The following GHR variants were observed in gnomAD, a reference collection of about 807,000 sequenced individuals.
GHR encodes the protein GH receptor.
A neutral mutation model predicts 67.1 loss-of-function variants in GHR; 35 were observed. The observed-to-expected ratio is 0.52, with a 90% CI of 0.40 to 0.69. GHR has a LOEUF of 0.69. Among genes scored for constraint, GHR ranks in the 30% least tolerant of loss-of-function variants. The pLI, the probability that GHR is intolerant of heterozygous loss-of-function variation, is 0.00. For missense variants in GHR, 792 were observed against 764.6 expected, an observed-to-expected ratio of 1.04 and a Z score of -0.42; for synonymous variants, 272 against 269.1, an observed-to-expected ratio of 1.01 and a Z score of -0.10.
intron 3 of GHR, among the ~76,000 whole-genome samples, chr5:42,681,293 C>T (rs1756855426): frequency 6.7e-6 from 1 of 149,376 alleles, no homozygotes; most frequent in Admixed American, 6.7e-5. Flanking sequence ...AAAAAGTGGG[C>T]AAAGGATATA....
intron 2 of GHR, among the ~76,000 whole-genome samples, chr5:42,605,090 C>CTTTTTTTTT (rs57499086): frequency 1.1e-5 from 1 of 90,068 alleles, no homozygotes; most frequent in African/African-American, 4.9e-5. Context: ...TGTGGTGCCT[C>CTTTTTTTTT]TTTTTTTTTT....
intron 2 of GHR, among the ~76,000 whole-genome samples, chr5:42,593,422 C>T (rs1190578137): frequency 6.6e-6 from 1 of 152,166 alleles, no homozygotes; most frequent in African/African-American, 2.4e-5. Context: ...TATTTTTGTA[C>T]AAATAAACAC....
chr5:42,623,974 T>C (rs1236317270), intron 2 of GHR, among the ~76,000 whole-genome samples: 1 of 152,206 alleles, frequency 6.6e-6, no homozygotes, highest in Non-Finnish European at 1.5e-5. Context: ...TTAAAATTGA[T>C]GACTGAGAAT....
intron 3 of GHR, among the ~76,000 whole-genome samples, chr5:42,672,214 C>T (rs1389204367): frequency 6.6e-6 from 1 of 152,112 alleles, no homozygotes; most frequent in Non-Finnish European, 1.5e-5. Flanking sequence ...CCTCTCTTTA[C>T]TGACTATATA....
chr5:42,660,394 G>T (rs1184051043), intron 3 of GHR, among the ~76,000 whole-genome samples: 3 of 152,130 alleles, frequency 2.0e-5, no homozygotes, highest in African/African-American at 4.8e-5. Context: ...ACACGGCCAG[G>T]TACTCCTCTG....
At chr5:42,639,717 T>C (rs923085823) in intron 3 of GHR, among the ~76,000 whole-genome samples, 2 of 152,190 alleles carry the variant, frequency 1.3e-5, no homozygotes, top group Non-Finnish European at 2.9e-5. Flanking sequence ...CCAAAAACTT[T>C]TGAAGTTATG....
intron 1 of GHR, among the ~76,000 whole-genome samples, chr5:42,536,953 G>A (rs141492345): frequency 3.3e-5 from 5 of 152,098 alleles, no homozygotes; most frequent in Non-Finnish European, 5.9e-5. Context: ...GTGCACAAAG[G>A]TGTTCATAGT....
chr5:42,590,209 A>G (rs1751702952), intron 2 of GHR, among the ~76,000 whole-genome samples: 1 of 152,208 alleles, frequency 6.6e-6, no homozygotes, highest in Non-Finnish European at 1.5e-5. Context: ...TGTTCTGAAC[A>G]CACACTAAGC....
chr5:42,474,442 T>C (rs146893108), intron 1 of GHR, among the ~76,000 whole-genome samples: 35 of 152,296 alleles, frequency 2.3e-4, no homozygotes, highest in Admixed American at 4.6e-4. Context: ...CAGTGTGCTC[T>C]ACCTGCTGTC....
At chr5:42,537,427 C>A (rs2112364391) in intron 1 of GHR, among the ~76,000 whole-genome samples, 1 of 152,246 alleles carries the variant, frequency 6.6e-6, no homozygotes, top group East Asian at 1.9e-4. Flanking sequence ...AATACTCATT[C>A]AGGAGTAACT....
At chr5:42,631,550 T>C (rs1372322764) in intron 3 of GHR, among the ~76,000 whole-genome samples, 1 of 152,146 alleles carries the variant, frequency 6.6e-6, no homozygotes, top group East Asian at 1.9e-4. Flanking sequence ...TATTTAACAG[T>C]CTGCTGTGTA....
intron 1 of GHR, among the ~76,000 whole-genome samples, chr5:42,450,679 G>T (rs1744010473): frequency 1.3e-5 from 2 of 151,628 alleles, no homozygotes; most frequent in Admixed American, 1.3e-4. Flanking sequence ...CTTTGTTTGG[G>T]TTTGTTTTTT....
At chr5:42,700,755 C>T (rs1485208507) in intron 6 of GHR, among the ~76,000 whole-genome samples, 1 of 152,098 alleles carries the variant, frequency 6.6e-6, no homozygotes, top group Admixed American at 6.6e-5. Flanking sequence ...AGCAGCCTGG[C>T]ACAGATCACT....
chr5:42,467,616 C>T (rs1402536373), intron 1 of GHR: 2 of 1,605,844 alleles, frequency 1.2e-6, no homozygotes, highest in Non-Finnish European at 1.7e-6. Flanking sequence ...TGAAGGCTTT[C>T]CCACATTTTG....
At chr5:42,489,657 A>G (rs1021111286) in intron 1 of GHR, among the ~76,000 whole-genome samples, 6 of 152,144 alleles carry the variant, frequency 3.9e-5, no homozygotes, top group African/African-American at 1.2e-4. Context: ...TCCTTGTTCT[A>G]TCATGTAGAG....
intron 1 of GHR, among the ~76,000 whole-genome samples, chr5:42,478,583 T>A (rs2112139233): frequency 6.6e-6 from 1 of 152,352 alleles, no homozygotes; most frequent in African/African-American, 2.4e-5. Context: ...GTAGTTCTCC[T>A]TGAAGATGTC....
intron 1 of GHR, among the ~76,000 whole-genome samples, chr5:42,525,505 C>T (rs1371555023): frequency 6.6e-6 from 1 of 152,184 alleles, no homozygotes; most frequent in Non-Finnish European, 1.5e-5. Context: ...AAAGATTTGC[C>T]TTGTCTAAGG....
chr5:42,686,513 G>T (rs555802939), intron 3 of GHR, among the ~76,000 whole-genome samples: 1 of 152,256 alleles, frequency 6.6e-6, no homozygotes, highest in East Asian at 1.9e-4. Context: ...GGAATGCAAG[G>T]CTGGTTCAAC....
At chr5:42,607,951 C>A (rs1561163840) in intron 2 of GHR, among the ~76,000 whole-genome samples, 1 of 152,218 alleles carries the variant, frequency 6.6e-6, no homozygotes, top group Admixed American at 6.5e-5. Flanking sequence ...TATTATTTTA[C>A]AACTGAAGTT....
Sources: gnomAD v4.1 joint callset for allele counts (sites outside exome capture counted in the v4.1 genomes callset) on GRCh38, gnomAD v4.1.1 for gene constraint, MANE v1.5 for transcripts, NCBI Gene and HGNC (gene_info 2026-07-23, HGNC 2026-07-21) for gene names.